Variants in SLC35A2 observed in about 807,000 individuals in gnomAD.
SLC35A2 encodes solute carrier family 35 member A2, also known as UDP-galactose translocator.
A neutral mutation model predicts 17.3 loss-of-function variants in SLC35A2; 1 was observed. The observed-to-expected ratio is 0.06, with a 90% CI of 0.02 to 0.27. SLC35A2 has a LOEUF of 0.27. SLC35A2 is among the 10% of genes least tolerant of loss of function. SLC35A2 has a pLI of 1.00. For missense variants in SLC35A2, 191 were observed against 339.3 expected (o/e 0.56, Z 3.43); for synonymous variants, 161 against 161.3 (o/e 1.00, Z 0.01).
chrX:48,903,407 G>A lies in SLC35A2; in HGVS notation c.*31C>T, dbSNP rs1342711235. On this transcript the variant is annotated 3_prime_UTR_variant, in exon 5 of 5. Coordinates refer to ENST00000247138, the MANE Select transcript of SLC35A2 (RefSeq NM_005660.3). Reference sequence around the variant, plus strand: ...TGGGCCAAGGGCAAGAAGAGAGAACGAGGCCAGGCCAATGTCTTCAATCCC... The same window carrying A: ...TGGGCCAAGGGCAAGAAGAGAGAACAAGGCCAGGCCAATGTCTTCAATCCC... 5 of 573,369 alleles carry A rather than the reference G, an allele frequency of 8.7e-6. No individual in the cohort carries two copies. Among genetic ancestry groups the A allele is most frequent in the East Asian group, 3.3e-5 (1 of 30,725 alleles). 47.3% of individuals were successfully genotyped at this position (573,369 alleles called of 1,213,427 possible).
At chrX:48,903,695 CAG>C (rs1388279422) in intron 4 of SLC35A2, 1 of 992,592 alleles carries the variant, frequency 1.0e-6, no homozygotes, top group African/African-American at 2.0e-5. Context: ...ACCAAAAAAT[CAG>C]AACAAATTAA....
At chrX:48,904,040 AATG>A (rs782042295) in intron 4 of SLC35A2, 1 of 758,982 alleles carries the variant, frequency 1.3e-6, no homozygotes, top group East Asian at 1.5e-4. Flanking sequence ...CTGGATCATT[AATG>A]ATATGATTAC....
chrX:48,904,099 C>T (rs1160275474), intron 4 of SLC35A2: 1 of 764,111 alleles, frequency 1.3e-6, no homozygotes, highest in African/African-American at 2.3e-5. Context: ...GCCCCTACCA[C>T]ACCTTCTGCC....
At chrX:48,906,177 ATTTCT>A in intron 3 of SLC35A2, 2 of 458,781 alleles carry the variant, frequency 4.4e-6, no homozygotes, top group Non-Finnish European at 7.8e-6. Context: ...CACAGGTATT[ATTTCT>A]TTTAAGTATC....
intron 4 of SLC35A2, 168 bp from the exon 5 acceptor site, chrX:48,903,633 ATTTGGCATTGGATATCC>A: frequency 1.5e-6 from 1 of 666,170 alleles, no homozygotes; most frequent in Non-Finnish European, 2.2e-6. Context: ...CAACATCTTT[ATTTGGCATTGGATATCC>A]TGACATTTGT....
At chrX:48,908,735 A>G (rs782464068) in intron 2 of SLC35A2, among the ~76,000 whole-genome samples, 34 of 112,108 alleles carry the variant, frequency 3.0e-4, no homozygotes, top group South Asian at 7.4e-4. Flanking sequence ...GTTCACACCT[A>G]CACTGTTCAC....
intron 4 of SLC35A2, chrX:48,903,805 TTAA>T (rs1368563665): frequency 1.7e-5 from 14 of 847,605 alleles, no homozygotes; most frequent in Non-Finnish European, 2.0e-5. Flanking sequence ...AGTTAAGGGG[TTAA>T]TAAGCTTTGG....
At position 48,905,291 on chromosome X, in the gene SLC35A2, G is replaced by A. The variant is rs782326795; in HGVS notation, c.618C>T (p.Val206=). Reference sequence around the variant, plus strand: ...AGCCGGAGGAGAGACAGGAGGCCACGACGGCTGCCAGGCCTGCCCCAGGGT... The same window carrying A: ...AGCCGGAGGAGAGACAGGAGGCCACAACGGCTGCCAGGCCTGCCCCAGGGT... ...DQNPGAGLAA[V]VASCLSSGFA... is the part of the protein sequence containing the mutation. Residue 206 remains valine (V), a synonymous_variant, in exon 4 of 5, where the codon GTC becomes GTT. Coordinates refer to ENST00000247138, the MANE Select transcript of SLC35A2 (RefSeq NM_005660.3). 6 of 1,190,275 alleles carry A rather than the reference G, an allele frequency of 5.0e-6. No individual in the cohort carries two copies. Among genetic ancestry groups the A allele is most frequent in the South Asian group, 3.7e-5 (2 of 54,233 alleles).
At chrX:48,909,136 A>C (rs949657736) in intron 2 of SLC35A2, among the ~76,000 whole-genome samples, 3 of 112,357 alleles carry the variant, frequency 2.7e-5, no homozygotes, top group Non-Finnish European at 5.6e-5. Flanking sequence ...AGAAGATACC[A>C]AACAAGGCCA....
rs1602345268 is a variant in SLC35A2, at chrX:48,910,160, C to A, written c.92-164G>T. ...TCACCCAATAAGGGTCTGACTCCTA[C>A]CGGCTTACTGCCTCAGCCATGAGCA... On this transcript the variant is annotated intron_variant, in intron 1 of 4. Coordinates refer to ENST00000247138, the MANE Select transcript of SLC35A2 (RefSeq NM_005660.3). 9.8e-6 allele frequency: 9 copies of A among 919,242 alleles called. No homozygotes were observed. The East Asian group carries it at 3.0e-4, about 31-fold the overall frequency. The allele number at this position is 919,242 out of a possible 1,213,427, so 75.8% of individuals were successfully genotyped here.
chrX:48,903,213 A>C lies in SLC35A2; in HGVS notation c.*225T>G. The C allele has an allele frequency of 9.3e-7, 1 of 1,079,653 alleles. No homozygotes were observed. The highest frequency in any genetic ancestry group is 1.3e-6 in the Non-Finnish European group (1 of 794,771). 89.0% of individuals were successfully genotyped at this position (1,079,653 alleles called of 1,213,427 possible). Reference sequence around the variant, plus strand: ...ATACACAACACATTTTATTTGCAAAAACTCAGCTAAGAGATAGTGTGGAGC... The same window carrying C: ...ATACACAACACATTTTATTTGCAAACACTCAGCTAAGAGATAGTGTGGAGC... On this transcript the variant is annotated 3_prime_UTR_variant, in exon 5 of 5. Coordinates refer to ENST00000247138, the MANE Select transcript of SLC35A2 (RefSeq NM_005660.3).
intron 2 of SLC35A2, among the ~76,000 whole-genome samples, chrX:48,908,610 G>A (rs2063509655): frequency 8.9e-6 from 1 of 111,789 alleles, no homozygotes; most frequent in Non-Finnish European, 1.9e-5. Flanking sequence ...GTGGCTAAGA[G>A]ATGAAGGCCT....
At chrX:48,905,550 C>T (rs1178324100) in intron 3 of SLC35A2, 68 bp from the exon 4 acceptor site, 6 of 1,005,592 alleles carry the variant, frequency 6.0e-6, no homozygotes, top group Non-Finnish European at 7.9e-6. Context: ...TGGGGGGCAG[C>T]ACCCACTGTG....
rs782616543 is a variant in SLC35A2 at position 48,904,303 on chromosome X, G to T, written c.1163+443C>A. On this transcript the variant is annotated intron_variant, in intron 4 of 4. Transcript: ENST00000247138. ...CAACTGAACCCCACAGGTAGGCATCGGTCATTCCTGAAGAGCTGCGGGAGT... is the reference window on the plus strand; with the variant it reads ...CAACTGAACCCCACAGGTAGGCATCTGTCATTCCTGAAGAGCTGCGGGAGT... The T allele has an allele frequency of 6.0e-6, 6 of 1,001,104 alleles. No homozygotes were observed. In the African/African-American group the frequency reaches 1.2e-4, roughly 20 times the overall value. 82.5% of individuals were successfully genotyped at this position (1,001,104 alleles called of 1,213,427 possible).
chrX:48,907,168 CAAA>C (rs781843221), intron 2 of SLC35A2, among the ~76,000 whole-genome samples: 4 of 52,204 alleles, frequency 7.7e-5, no homozygotes, highest in African/African-American at 1.5e-4. Context: ...GACTCCATCT[CAAA>C]AAAAAAAAAA....
At position 48,904,885 on chromosome X, in the gene SLC35A2, G is replaced by A. The variant is rs2063476993; in HGVS notation, c.1024C>T (p.Arg342Ter). The change falls in exon 4 of 5, where the codon CGA (arginine) becomes TGA (stop). Residue 342 changes from arginine (R) to a stop codon, truncating the protein, a stop_gained. Coordinates refer to ENST00000247138, the MANE Select transcript of SLC35A2 (RefSeq NM_005660.3). LOFTEE classifies it high-confidence loss of function. The stretch of plus-strand genomic sequence containing the variant: ...GAGGCTATGGCTTTGGCTGCACCTC[G>A]GGGAAGGCTGTAGAGGTAGACAGCA... ...IGAVYLYSLP[R>*]GAAKAIASAS... 1 of 1,209,854 alleles carries A rather than the reference G, an allele frequency of 8.3e-7. No individual in the cohort carries two copies. Among genetic ancestry groups the A allele is most frequent in the African/African-American group, 1.7e-5 (1 of 57,316 alleles).
chrX:48,910,366 G>T, intron 1 of SLC35A2: 2 of 896,222 alleles, frequency 2.2e-6, no homozygotes, highest in Non-Finnish European at 3.0e-6. Flanking sequence ...TTTATTGAGT[G>T]TTTACTGTAT....
chrX:48,909,041 T>C (rs1557043500), intron 2 of SLC35A2, among the ~76,000 whole-genome samples: 1 of 112,290 alleles, frequency 8.9e-6, no homozygotes, highest in Non-Finnish European at 1.9e-5. Context: ...AAATCCAGAC[T>C]ACCCAAAGTC....
rs371771650 is a variant in SLC35A2, at chrX:48,904,693, C to T, written c.1163+53G>A. 22 of 1,209,096 alleles carry T rather than the reference C, an allele frequency of 1.8e-5. No individual in the cohort carries two copies. In the African/African-American group the frequency reaches 3.7e-4, roughly 20 times the overall value. ...ATGCCCAACACCCTCCACCCCAGTC[C>T]CCCTCCCTTGTGTCCCCCCATTGCT... On this transcript the variant is annotated intron_variant, in intron 4 of 4. Transcript: ENST00000247138.
Sources: allele counts gnomAD v4.1 joint callset (sites outside exome capture counted in the v4.1 genomes callset), GRCh38; gene constraint gnomAD v4.1.1; transcripts MANE v1.5; gene names NCBI Gene and HGNC (gene_info 2026-07-23, HGNC 2026-07-21).